Variants in ONECUT1 observed in about 807,000 individuals in gnomAD.
ONECUT1 encodes the protein hepatocyte nuclear factor 6.
In ONECUT1, 12 loss-of-function variants were observed where a neutral mutation model predicts 25.6. That is an observed-to-expected ratio of 0.47 (90% confidence interval 0.30 to 0.76). ONECUT1 has a LOEUF of 0.76. Ranked by LOEUF, ONECUT1 falls within the 30% of genes least tolerant of loss-of-function variation. The probability of loss-of-function intolerance (pLI) is 0.07; values close to 1 mark genes in which losing one functional copy is unlikely to be tolerated. For synonymous variants in ONECUT1, 285 were observed against 270.2 expected (o/e 1.05, Z -0.54); for missense variants, 620 against 651.2 (o/e 0.95, Z 0.52).
chr15:52,757,779 A>G lies in ONECUT1; in HGVS notation c.1174T>C (p.Phe392Leu). The G allele has an allele frequency of 6.2e-7, 1 of 1,614,198 alleles. No homozygotes were observed. Among genetic ancestry groups the G allele is most frequent in the Non-Finnish European group, 8.5e-7 (1 of 1,180,010 alleles). Residue 392 changes from phenylalanine to leucine, a missense_variant, in exon 2 of 2, where the codon TTC becomes CTC. Transcript: ENST00000305901. ...GNTPKKPRLV[F>L]TDVQRRTLHA... ...AGAGTTCGACGCTGGACATCTGTGA[A>G]GACCAACCTGGGCTTTTTGGGTGTG...
At chr15:52,764,526 T>C (rs61398870) in intron 1 of ONECUT1, among the ~76,000 whole-genome samples, 1,828 of 152,332 alleles carry the variant, frequency 0.012, 52 homozygotes, top group African/African-American at 0.043. Context: ...GGGCTTGAGC[T>C]GTGTGCTGGC....
In ONECUT1 at chr15:52,788,547, G is replaced by T; in HGVS notation, c.1105+233C>A. The stretch of plus-strand genomic sequence containing the variant: ...CAAATGAGCCTCTTCAGTCGCCGAG[G>T]CCCGGCCGCTTAGCTCTCGGAGCCT... On this transcript the variant is annotated intron_variant, in intron 1 of 1. Transcript: ENST00000305901. The surrounding 1 kb of genome is among the most constrained non-coding windows in gnomAD (Gnocchi z 4.3). 2.0e-6 allele frequency: 1 copy of T among 502,112 alleles called. No homozygotes were observed. The highest frequency in any genetic ancestry group is 3.5e-6 in the Non-Finnish European group (1 of 284,186). 31.1% of individuals were successfully genotyped at this position (502,112 alleles called of 1,614,324 possible). A position where few individuals can be genotyped will look rare whatever the true frequency, so the allele number is the denominator to read the frequency against.
intron 1 of ONECUT1, among the ~76,000 whole-genome samples, chr15:52,775,618 T>C (rs904777626): frequency 6.6e-6 from 1 of 152,222 alleles, no homozygotes; most frequent in Non-Finnish European, 1.5e-5. Context: ...TTTTTCTGTA[T>C]ACATTTTCAT....
intron 1 of ONECUT1, among the ~76,000 whole-genome samples, chr15:52,767,027 G>A (rs192721528): frequency 7.2e-5 from 11 of 152,272 alleles, no homozygotes; most frequent in Admixed American, 6.5e-4. Flanking sequence ...CCCCATTCAT[G>A]AGTCACCTTA....
intron 1 of ONECUT1, chr15:52,780,517 T>C (rs2083833771): frequency 7.1e-6 from 10 of 1,401,474 alleles, no homozygotes; most frequent in Non-Finnish European, 8.7e-6. Flanking sequence ...GCATAAGTAA[T>C]TAGAATTTAA....
rs191257021 is a variant in ONECUT1 at position 52,780,918 on chromosome 15, A to C, written c.1105+7862T>G. ...GCATATGCAAAGGAAGATGAGAAAC[A>C]CATGGTGACTGGAAACATGCAGTGT... On this transcript the variant is annotated intron_variant, in intron 1 of 1. Transcript: ENST00000305901. 4,228 of 1,272,378 alleles carry C rather than the reference A, an allele frequency of 3.3e-3. 18 individuals are homozygous for C. The highest frequency in any genetic ancestry group is 0.021 in the Middle Eastern group (68 of 3,286). 78.8% of individuals were successfully genotyped at this position (1,272,378 alleles called of 1,614,324 possible).
chr15:52,783,915 T>A (rs1022152396), intron 1 of ONECUT1, among the ~76,000 whole-genome samples: 31 of 152,220 alleles, frequency 2.0e-4, no homozygotes, highest in African/African-American at 7.0e-4. Flanking sequence ...CGACAGACCC[T>A]CTAGATATCC....
intron 1 of ONECUT1, among the ~76,000 whole-genome samples, chr15:52,776,341 G>T (rs2083800617): frequency 6.6e-6 from 1 of 152,104 alleles, no homozygotes. Flanking sequence ...AGCTTCCCAT[G>T]CCAGAAGCAA....
intron 1 of ONECUT1, among the ~76,000 whole-genome samples, chr15:52,764,839 A>G (rs1357578046): frequency 6.6e-6 from 1 of 152,218 alleles, no homozygotes; most frequent in African/African-American, 2.4e-5. Context: ...GTGTTCTCAC[A>G]CAGGTAAGTC....
chr15:52,787,812 C>T lies in ONECUT1; in HGVS notation c.1105+968G>A, dbSNP rs1440524255. Reference sequence around the variant, plus strand: ...AATCCCCGGTGGGGTTCGGGCTGGGCTCAGCTTTCTTCTCTGCCTATCCGC... The same window carrying T: ...AATCCCCGGTGGGGTTCGGGCTGGGTTCAGCTTTCTTCTCTGCCTATCCGC... On this transcript the variant is annotated intron_variant, in intron 1 of 1. Transcript: ENST00000305901. 9.2e-5 allele frequency: 14 copies of T among 152,398 alleles called. No individual in the cohort carries two copies. In the East Asian group the frequency reaches 2.7e-3, roughly 29 times the overall value. 9.4% of individuals were successfully genotyped at this position (152,398 alleles called of 1,614,324 possible).
At chr15:52,770,034 G>A (rs2083756954) in intron 1 of ONECUT1, among the ~76,000 whole-genome samples, 1 of 152,192 alleles carries the variant, frequency 6.6e-6, no homozygotes. Context: ...ATCCCATTTT[G>A]TTTCTTTTTC....
intron 1 of ONECUT1, among the ~76,000 whole-genome samples, chr15:52,787,504 C>T (rs910478240): frequency 2.6e-5 from 4 of 152,058 alleles, no homozygotes; most frequent in Non-Finnish European, 5.9e-5. Flanking sequence ...GATTGACTGT[C>T]TCTCGTTCTC....
chr15:52,777,735 CACAAA>C lies in ONECUT1; in HGVS notation c.1105+11040_1105+11044del, dbSNP rs1347366709. Among the ~76,000 whole-genome samples the C allele has an allele frequency of 2.4e-3, 215 of 90,942 alleles. 5 individuals are homozygous for C. The highest frequency in any genetic ancestry group is 0.016 in the African/African-American group (210 of 13,430). The allele number at this position is 90,942 out of a possible 152,430, so 59.7% of individuals were successfully genotyped here. ...ACACACACACACACACACACACACA[CACAAA>C]AAAACATGTAAAGTTATTTGTTCTC... On this transcript the variant is annotated intron_variant, in intron 1 of 1. Coordinates refer to ENST00000305901, the MANE Select transcript of ONECUT1 (RefSeq NM_004498.4).
At position 52,755,523 on chromosome 15, in the gene ONECUT1, C is replaced by G. The variant is rs7174499; in HGVS notation, c.*2032G>C. On this transcript the variant is annotated 3_prime_UTR_variant, in exon 2 of 2. Transcript: ENST00000305901. ...ATGTTGGTTTCCTCTTCTCATTCGA[C>G]AGCAGACATGAAGGAGACACAGATA... Among the ~76,000 whole-genome samples, 5,848 of 152,288 alleles carry G rather than the reference C, an allele frequency of 0.038. 233 individuals are homozygous for G. Among genetic ancestry groups the G allele is most frequent in the African/African-American group, 0.1 (4,297 of 41,544 alleles).
chr15:52,759,210 C>T (rs7165717), intron 1 of ONECUT1, among the ~76,000 whole-genome samples: 16,342 of 152,180 alleles, frequency 0.11, 1,664 homozygotes, highest in African/African-American at 0.28. Flanking sequence ...TGCTGCCTTC[C>T]GCTTCACTGT....
chr15:52,778,853 AG>A (rs2083821110), intron 1 of ONECUT1, among the ~76,000 whole-genome samples: 1 of 152,210 alleles, frequency 6.6e-6, no homozygotes, highest in Non-Finnish European at 1.5e-5. Context: ...GACACCTGGA[AG>A]GGACCCTAAA....
At chr15:52,771,594 T>C (rs1265579743) in intron 1 of ONECUT1, among the ~76,000 whole-genome samples, 1 of 99,142 alleles carries the variant, frequency 1.0e-5, no homozygotes, top group East Asian at 3.4e-4. Flanking sequence ...TTAAGTAATG[T>C]CTGTTTTTTT....
chr15:52,774,122 T>TACACACACACACAC (rs35891922), intron 1 of ONECUT1, among the ~76,000 whole-genome samples: 11 of 137,776 alleles, frequency 8.0e-5, no homozygotes, highest in Admixed American at 2.2e-4. Flanking sequence ...ATTGGAAGGA[T>TACACACACACACAC]ACACACACAC....
intron 1 of ONECUT1, among the ~76,000 whole-genome samples, chr15:52,773,951 T>C (rs1306709566): frequency 6.6e-6 from 1 of 152,206 alleles, no homozygotes; most frequent in Admixed American, 6.5e-5. Context: ...CTATTCATGA[T>C]ATATTTGGGA....
Sources: gnomAD v4.1 joint callset for allele counts (sites outside exome capture counted in the v4.1 genomes callset) on GRCh38, gnomAD v4.1.1 for gene constraint, Gnocchi (gnomAD v3.1) non-coding constraint, MANE v1.5 for transcripts, NCBI Gene and HGNC (gene_info 2026-07-23, HGNC 2026-07-21) for gene names.